The following SYCP2L variants were observed in gnomAD, a reference collection of about 807,000 sequenced individuals.
The protein encoded by SYCP2L is synaptonemal complex protein 2-like.
In SYCP2L, 98 loss-of-function variants were observed where a neutral mutation model predicts 125.8. The observed-to-expected ratio is 0.78, with a 90% CI of 0.66 to 0.92. The LOEUF is 0.92. Ranked by LOEUF, SYCP2L falls within the 40% of genes least tolerant of loss-of-function variation. The pLI, the probability that SYCP2L is intolerant of heterozygous loss-of-function variation, is 0.00. For synonymous variants in SYCP2L, 317 were observed against 325.4 expected (o/e 0.97, Z 0.28); for missense variants, 842 against 936.4 (o/e 0.90, Z 1.32).
At chr6:10,950,683 G>T (rs570641120) in intron 23 of SYCP2L, among the ~76,000 whole-genome samples, 1 of 152,138 alleles carries the variant, frequency 6.6e-6, no homozygotes, top group Non-Finnish European at 1.5e-5. Flanking sequence ...GAAGAGACTT[G>T]TGTCAGAGGG....
chr6:10,939,156 A>G (rs1225736), intron 21 of SYCP2L, among the ~76,000 whole-genome samples: 36,345 of 152,010 alleles, frequency 0.24, 4,533 homozygotes, highest in Middle Eastern at 0.32. Context: ...AATAGCTTAC[A>G]AAAAACACAT....
chr6:10,912,798 C>T lies in SYCP2L; in HGVS notation c.1011+33C>T. 1 of 1,606,476 alleles carries T rather than the reference C, an allele frequency of 6.2e-7. No homozygotes were observed. Among genetic ancestry groups the T allele is most frequent in the Non-Finnish European group, 8.5e-7 (1 of 1,173,766 alleles). On this transcript the variant is annotated intron_variant, in intron 13 of 29. Coordinates refer to ENST00000283141, the MANE Select transcript of SYCP2L (RefSeq NM_001040274.3). The surrounding 1 kb of genome is among the most constrained non-coding windows in gnomAD (Gnocchi z 4.1). ...TGTTCGATTCTTGGTTAGAACTAAG[C>T]CTTTAGAGATCTTTTTTATGTAAGT...
intron 23 of SYCP2L, among the ~76,000 whole-genome samples, chr6:10,952,021 C>A (rs1337702131): frequency 3.3e-5 from 5 of 152,162 alleles, no homozygotes; most frequent in African/African-American, 1.2e-4. Flanking sequence ...CAGGAGCACA[C>A]CCCCTCTGCA....
intron 19 of SYCP2L, 76 bp downstream of exon 19, chr6:10,930,590 T>C: frequency 1.3e-6 from 2 of 1,482,964 alleles, no homozygotes; most frequent in South Asian, 1.3e-5. Context: ...TTTCAGTATA[T>C]AATGGGAGTG....
chr6:10,950,703 T>G (rs1781394965), intron 23 of SYCP2L, among the ~76,000 whole-genome samples: 1 of 152,112 alleles, frequency 6.6e-6, no homozygotes, highest in South Asian at 2.1e-4. Context: ...GACCCTCAGA[T>G]AGACTGGAGT....
chr6:10,906,297 T>G (rs1780486853), intron 9 of SYCP2L, among the ~76,000 whole-genome samples: 1 of 151,060 alleles, frequency 6.6e-6, no homozygotes, highest in Non-Finnish European at 1.5e-5. Context: ...TAGCTTCAAG[T>G]CTGTTTTTAA....
intron 28 of SYCP2L, among the ~76,000 whole-genome samples, chr6:10,962,428 G>A (rs1452766334): frequency 6.6e-6 from 1 of 152,030 alleles, no homozygotes; most frequent in Non-Finnish European, 1.5e-5. Flanking sequence ...CTCCCTCTGT[G>A]TATAGTTAAA....
intron 28 of SYCP2L, among the ~76,000 whole-genome samples, chr6:10,961,764 G>T (rs1781597867): frequency 6.6e-6 from 1 of 152,106 alleles, no homozygotes; most frequent in Admixed American, 6.6e-5. Context: ...TGAAAAGCCT[G>T]ATGTCCAATT....
chr6:10,891,976 A>C (rs1301925531), intron 2 of SYCP2L, among the ~76,000 whole-genome samples: 3 of 152,222 alleles, frequency 2.0e-5, no homozygotes, highest in African/African-American at 7.2e-5. Flanking sequence ...AAGCAGGAAG[A>C]AAAAGAACAG....
intron 25 of SYCP2L, among the ~76,000 whole-genome samples, chr6:10,957,693 T>G (rs1781523442): frequency 6.6e-6 from 1 of 152,178 alleles, no homozygotes. Context: ...GACATACACA[T>G]GTAGTCCCAG....
intron 6 of SYCP2L, 22 bp downstream of exon 6, chr6:10,898,870 A>G (rs1780330004): frequency 3.8e-6 from 5 of 1,324,086 alleles, no homozygotes. Context: ...ATTGGCTACT[A>G]ATTGGCTATT....
At chr6:10,925,134 C>A (rs1417549754) in intron 15 of SYCP2L, among the ~76,000 whole-genome samples, 1 of 152,182 alleles carries the variant, frequency 6.6e-6, no homozygotes, top group Non-Finnish European at 1.5e-5. Flanking sequence ...AAAGGAGGAG[C>A]AAAGTCACAT....
intron 21 of SYCP2L, among the ~76,000 whole-genome samples, chr6:10,938,324 A>G (rs1781142721): frequency 6.6e-6 from 1 of 152,224 alleles, no homozygotes; most frequent in African/African-American, 2.4e-5. Flanking sequence ...AATCATTTCA[A>G]TAGATGCAAA....
At chr6:10,971,050 GAAGT>G (rs997815757) in intron 29 of SYCP2L, among the ~76,000 whole-genome samples, 2 of 152,202 alleles carry the variant, frequency 1.3e-5, no homozygotes, top group Non-Finnish European at 2.9e-5. Context: ...ACTTGCCTGT[GAAGT>G]AAGAGGTCTA....
chr6:10,891,418 A>ATT (rs61237589), intron 1 of SYCP2L, 95 bp from the exon 2 acceptor site: 136 of 474,084 alleles, frequency 2.9e-4, no homozygotes, highest in East Asian at 3.6e-4. Context: ...CAAACCTTTA[A>ATT]TTTTTTTTTT....
intron 29 of SYCP2L, among the ~76,000 whole-genome samples, chr6:10,969,268 CTG>C (rs1333975981): frequency 1.3e-5 from 2 of 151,592 alleles, no homozygotes; most frequent in East Asian, 3.9e-4. Context: ...TGAGAGTAAA[CTG>C]AGTAGGTGAT....
intron 9 of SYCP2L, among the ~76,000 whole-genome samples, chr6:10,906,742 C>T (rs1328571609): frequency 6.6e-6 from 1 of 151,612 alleles, no homozygotes; most frequent in Admixed American, 6.6e-5. Context: ...GGATTACAGG[C>T]ACGCACCGCC....
chr6:10,898,472 G>A (rs1201301725), intron 5 of SYCP2L, among the ~76,000 whole-genome samples: 2 of 152,118 alleles, frequency 1.3e-5, no homozygotes, highest in Non-Finnish European at 2.9e-5. Context: ...CCGAGACCAC[G>A]CGATTGTACT....
chr6:10,888,545 A>T (rs1217321994), intron 1 of SYCP2L, among the ~76,000 whole-genome samples: 2 of 152,186 alleles, frequency 1.3e-5, no homozygotes, highest in Non-Finnish European at 2.9e-5. Flanking sequence ...CTTTCTGTGT[A>T]CTAGAGTGGC....
Sources: gnomAD v4.1 joint callset for allele counts (sites outside exome capture counted in the v4.1 genomes callset) on GRCh38, gnomAD v4.1.1 for gene constraint, Gnocchi (gnomAD v3.1) non-coding constraint, MANE v1.5 for transcripts, NCBI Gene and HGNC (gene_info 2026-07-23, HGNC 2026-07-21) for gene names.